The following TTC34 variants were observed in gnomAD, a reference collection of about 807,000 sequenced individuals.
TTC34 encodes tetratricopeptide repeat protein 34.
Under a neutral mutation model 40.7 loss-of-function variants are expected in TTC34, and 44 were observed. The ratio of observed to expected loss-of-function variants is 1.08; its 90% CI spans 0.85 to 1.39. The LOEUF is 1.39. TTC34 is among the 40% of genes most tolerant of loss of function. The pLI, the probability that TTC34 is intolerant of heterozygous loss-of-function variation, is 0.00. For missense variants in TTC34, 884 were observed against 838.0 expected (o/e 1.05, Z -0.68); for synonymous variants, 422 against 398.6 (o/e 1.06, Z -0.70).
At chr1:2,800,231 C>T (rs553769182) in exon 2 of TTC34, 25 of 398,516 alleles carry the variant, frequency 6.3e-5, no homozygotes, top group East Asian at 2.1e-4. Context: ...GCCCAGCCTC[C>T]GGGTGCCCCG....
At chr1:2,791,643 A>G (rs957788862) in intron 2 of TTC34, among the ~76,000 whole-genome samples, 1 of 152,176 alleles carries the variant, frequency 6.6e-6, no homozygotes, top group African/African-American at 2.4e-5. Flanking sequence ...TGGCCAAAGT[A>G]AAAGACACTT....
intron 6 of TTC34, among the ~76,000 whole-genome samples, chr1:2,779,962 A>C (rs1643454324): frequency 6.6e-6 from 1 of 152,170 alleles, no homozygotes; most frequent in South Asian, 2.1e-4. Flanking sequence ...AAAATACAAA[A>C]AATTAGCCAG....
intron 6 of TTC34, among the ~76,000 whole-genome samples, chr1:2,650,817 G>A (rs900313775): frequency 6.7e-6 from 1 of 150,042 alleles, no homozygotes; most frequent in African/African-American, 2.5e-5. Flanking sequence ...GCAGGAAACA[G>A]CACTTGACAC....
intron 6 of TTC34, among the ~76,000 whole-genome samples, chr1:2,749,599 C>T (rs1304057631): frequency 9.5e-6 from 1 of 105,638 alleles, no homozygotes; most frequent in African/African-American, 5.0e-5. Context: ...GAGCAGCACC[C>T]ACACCCCCAG....
At chr1:2,755,108 C>T (rs1479942263) in intron 6 of TTC34, among the ~76,000 whole-genome samples, 9 of 45,690 alleles carry the variant, frequency 2.0e-4, no homozygotes, top group Non-Finnish European at 2.8e-4. Context: ...CACCCCCAGG[C>T]GAGCATCTGA....
intron 6 of TTC34, among the ~76,000 whole-genome samples, chr1:2,700,392 A>G (rs964186663): frequency 8.9e-6 from 1 of 112,848 alleles, no homozygotes; most frequent in African/African-American, 2.8e-5. Context: ...AGTATCTGAC[A>G]GCCTGGAGCA....
chr1:2,656,383 TGA>T (rs1639347480), intron 6 of TTC34, among the ~76,000 whole-genome samples: 1 of 2,022 alleles, frequency 4.9e-4, no homozygotes. Flanking sequence ...CACCCACAGG[TGA>T]GCATCTGACA....
In TTC34 at chr1:2,645,152, G is replaced by A. The variant is rs1308678472; in HGVS notation, c.2497+141C>T. The A allele has an allele frequency of 4.0e-5, 42 of 1,055,084 alleles. No homozygotes were observed. In the East Asian group the frequency reaches 1.2e-3, roughly 31 times the overall value. The allele number at this position is 1,055,084 out of a possible 1,614,324, so 65.4% of individuals were successfully genotyped here. A position where few individuals can be genotyped will look rare whatever the true frequency, so the allele number is the denominator to read the frequency against. The stretch of plus-strand genomic sequence containing the variant: ...CACAGGGAGCAGGGCCAGAGGTCAT[G>A]GGATTTGGGGTGGAAGGGACCTTGG... On this transcript the variant is annotated intron_variant, in intron 7 of 8. Transcript: ENST00000401095. The surrounding 1 kb of genome is among the most constrained non-coding windows in gnomAD (Gnocchi z 4.7).
chr1:2,787,581 G>A (rs998518545), exon 4 of TTC34: 3 of 1,548,890 alleles, frequency 1.9e-6, no homozygotes, highest in South Asian at 1.2e-5. Context: ...CACCAGCAGG[G>A]CCTTGTGGGT....
chr1:2,748,357 C>CA (rs1641214866), intron 6 of TTC34, among the ~76,000 whole-genome samples: 1 of 150,154 alleles, frequency 6.7e-6, no homozygotes, highest in African/African-American at 2.5e-5. Context: ...GCAGCACCCA[C>CA]ACCCCCAGGG....
At chr1:2,777,301 G>C (rs1484868826) in intron 6 of TTC34, among the ~76,000 whole-genome samples, 1 of 142,164 alleles carries the variant, frequency 7.0e-6, no homozygotes, top group East Asian at 2.2e-4. Flanking sequence ...ACCTCCAGGG[G>C]AGCATCTGAC....
At chr1:2,764,225 C>A (rs1641724774) in intron 6 of TTC34, among the ~76,000 whole-genome samples, 1 of 149,772 alleles carries the variant, frequency 6.7e-6, no homozygotes, top group Non-Finnish European at 1.5e-5. Flanking sequence ...TCCACACACC[C>A]AGGCGAGCAT....
chr1:2,657,484 C>T (rs1397715211), intron 6 of TTC34, among the ~76,000 whole-genome samples: 12 of 76,646 alleles, frequency 1.6e-4, no homozygotes, highest in South Asian at 3.9e-4. Context: ...TCTGACCGAA[C>T]GGAGCAGCAC....
intron 6 of TTC34, among the ~76,000 whole-genome samples, chr1:2,754,760 T>G (rs1299223884): frequency 1.8e-5 from 2 of 112,486 alleles, no homozygotes; most frequent in South Asian, 3.2e-4. Flanking sequence ...CATGTGATGG[T>G]CTGGAGCAGC....
chr1:2,783,692 T>C (rs1296533630), exon 6 of TTC34: 5 of 1,544,764 alleles, frequency 3.2e-6, no homozygotes, highest in Middle Eastern at 1.7e-4. Context: ...AGCACTGTGT[T>C]GAAGTCGAAC....
At chr1:2,789,072 C>T (rs1643628484) in intron 3 of TTC34, among the ~76,000 whole-genome samples, 1 of 152,132 alleles carries the variant, frequency 6.6e-6, no homozygotes, top group Non-Finnish European at 1.5e-5. Flanking sequence ...AGTAAGACTC[C>T]ATCTCAAAGA....
In TTC34 at chr1:2,701,954, C is replaced by A. The variant is rs1318189042; in HGVS notation, c.2227-56391G>T. On this transcript the variant is annotated intron_variant, in intron 6 of 8. Transcript: ENST00000401095. ...AACAAGACTACTGCCCCCAGGTGGG[C>A]ATTTGACAGCCTGGGAAAGCACCCT... 2.3e-5 allele frequency among the ~76,000 whole-genome samples: 2 copies of A among 85,188 alleles called. 1 individual carries two copies. Among genetic ancestry groups the A allele is most frequent in the South Asian group, 6.7e-4 (2 of 2,994 alleles). The allele number at this position is 85,188 out of a possible 152,430, so 55.9% of individuals were successfully genotyped here. A position where few individuals can be genotyped will look rare whatever the true frequency, so the allele number is the denominator to read the frequency against.
intron 6 of TTC34, among the ~76,000 whole-genome samples, chr1:2,685,863 G>GCAACAGCACGCACACGCCCAGGT (rs1640313700): frequency 6.7e-6 from 1 of 149,960 alleles, no homozygotes; most frequent in African/African-American, 2.5e-5. Flanking sequence ...CTGACAGCCT[G>GCAACAGCACGCACACGCCCAGGT]GAACAGCACC....
intron 6 of TTC34, among the ~76,000 whole-genome samples, chr1:2,687,207 C>G (rs1399012156): frequency 2.1e-5 from 3 of 142,468 alleles, no homozygotes; most frequent in African/African-American, 8.8e-5. Flanking sequence ...ACCCACACCT[C>G]CCGGCGAGCA....
Sources: allele counts gnomAD v4.1 joint callset (sites outside exome capture counted in the v4.1 genomes callset), GRCh38; gene constraint gnomAD v4.1.1; non-coding constraint Gnocchi (gnomAD v3.1); transcripts MANE v1.5; gene names NCBI Gene and HGNC (gene_info 2026-07-23, HGNC 2026-07-21).